Variants in NSUN2 observed in about 807,000 individuals in gnomAD.
The protein encoded by NSUN2 is RNA cytosine C(5)-methyltransferase NSUN2.
In NSUN2, 63 loss-of-function variants were observed where a neutral mutation model predicts 92.7. The ratio of observed to expected loss-of-function variants is 0.68; its 90% CI spans 0.56 to 0.84. The LOEUF (loss-of-function observed/expected upper bound fraction) is 0.84. Among genes scored for constraint, NSUN2 ranks in the 40% least tolerant of loss-of-function variants. The pLI is 0.00. For missense variants in NSUN2, 989 were observed against 964.9 expected (o/e 1.02, Z -0.33); for synonymous variants, 356 against 348.3 (o/e 1.02, Z -0.25).
rs530198014 is a variant in NSUN2 at position 6,601,541 on chromosome 5, C to T, written c.1997+920G>A. Among the ~76,000 whole-genome samples the T allele has an allele frequency of 1.4e-3, 220 of 152,144 alleles. 2 individuals are homozygous for T. Among genetic ancestry groups the T allele is most frequent in the African/African-American group, 5.1e-3 (213 of 41,504 alleles). The stretch of plus-strand genomic sequence containing the variant: ...ACCTGTCCTCTCTCCACATGGCAGC[C>T]GGACAGCCTGAACCCTGAGGACATG... On this transcript the variant is annotated intron_variant, in intron 18 of 18. Coordinates refer to ENST00000264670, the MANE Select transcript of NSUN2 (RefSeq NM_017755.6).
intron 3 of NSUN2, among the ~76,000 whole-genome samples, chr5:6,627,289 A>G (rs1003670338): frequency 1.3e-5 from 2 of 152,230 alleles, no homozygotes; most frequent in African/African-American, 2.4e-5. Flanking sequence ...TATTGGGCAA[A>G]TATCTGCTGT....
rs1364740947 is a variant in NSUN2 at position 6,605,349 on chromosome 5, T to G, written c.1661A>C (p.Glu554Ala). The G allele has an allele frequency of 6.2e-7, 1 of 1,614,188 alleles. No individual in the cohort carries two copies. The highest frequency in any genetic ancestry group is 8.5e-7 in the Non-Finnish European group (1 of 1,180,032). ...PRMNLLTRTT[E>A]GKKRQLYMVS... ...CATGTAGAGCTGCCTTTTCTTCCCTTCTGTAGTCCGAGTTAACAAATTCAT... is the reference window on the plus strand; with the variant it reads ...CATGTAGAGCTGCCTTTTCTTCCCTGCTGTAGTCCGAGTTAACAAATTCAT... The change falls in exon 15 of 19, where the codon GAA becomes GCA. Residue 554 changes from glutamate to alanine, a missense_variant. Physicochemically the swap from Glu to Ala is moderately radical, Grantham distance 107. Coordinates refer to ENST00000264670, the MANE Select transcript of NSUN2 (RefSeq NM_017755.6).
intron 3 of NSUN2, among the ~76,000 whole-genome samples, chr5:6,626,174 A>AT (rs1021523120): frequency 4.6e-5 from 7 of 152,194 alleles, no homozygotes; most frequent in Non-Finnish European, 8.8e-5. Context: ...AATATTTTAC[A>AT]TACCAAAAAA....
chr5:6,632,677 G>A lies in NSUN2; in HGVS notation c.176C>T (p.Pro59Leu), dbSNP rs1201202296. 28 of 1,613,996 alleles carry A rather than the reference G, an allele frequency of 1.7e-5. No individual in the cohort carries two copies. The highest frequency in any genetic ancestry group is 2.3e-5 in the Non-Finnish European group (27 of 1,180,012). The change falls in exon 2 of 19, where the codon CCC becomes CTC. Residue 59 changes from proline to leucine, a missense_variant. Pro to Leu is a moderately conservative substitution (Grantham distance 98, BLOSUM62 -3). Transcript: ENST00000264670. ...CATGAACTGGCCCCACTCGCCCTCG[G>A]GCACGATCTTGAGCTCCTGGTAGTA... ...EHYYQELKIV[P>L]EGEWGQFMDA...
chr5:6,602,955 T>A (rs1209794685), intron 17 of NSUN2, among the ~76,000 whole-genome samples: 1 of 152,208 alleles, frequency 6.6e-6, no homozygotes, highest in Admixed American at 6.5e-5. Flanking sequence ...TTTACAAGAA[T>A]CTCTACTTTA....
At chr5:6,619,959 C>T in intron 7 of NSUN2, 147 bp downstream of exon 7, 2 of 544,404 alleles carry the variant, frequency 3.7e-6, no homozygotes, top group South Asian at 7.2e-5. Flanking sequence ...TCTACGTGTC[C>T]ATCTTTTGGT....
chr5:6,601,587 C>T (rs1161878307), intron 18 of NSUN2, among the ~76,000 whole-genome samples: 1 of 139,654 alleles, frequency 7.2e-6, no homozygotes, highest in Non-Finnish European at 1.6e-5. Context: ...GCCTCCCTGC[C>T]AACCTCTTAC....
rs543894656 is a variant in NSUN2 at position 6,613,981 on chromosome 5, C to CA, written c.1022-2184dup. ...GCGTGGTGGCACATGCCTGTAGTCC[C>CA]AGCTACTCGGGAGGCTGAGGCAGGA... On this transcript the variant is annotated intron_variant, in intron 9 of 18. Coordinates refer to ENST00000264670, the MANE Select transcript of NSUN2 (RefSeq NM_017755.6). Among the ~76,000 whole-genome samples, 200 of 151,832 alleles carry CA rather than the reference C, an allele frequency of 1.3e-3. 2 individuals carry two copies. The highest frequency in any genetic ancestry group is 5.5e-3 in the Admixed American group (84 of 15,222).
chr5:6,631,167 C>T (rs1463087285), intron 3 of NSUN2, among the ~76,000 whole-genome samples: 1 of 152,170 alleles, frequency 6.6e-6, no homozygotes, highest in African/African-American at 2.4e-5. Context: ...GAACTCAATA[C>T]CTCAAAGTTA....
intron 5 of NSUN2, among the ~76,000 whole-genome samples, chr5:6,622,760 T>C (rs1381043786): frequency 6.6e-6 from 1 of 151,196 alleles, no homozygotes; most frequent in South Asian, 2.1e-4. Context: ...GGCAGGAGAA[T>C]TGCCTGAACT....
rs754969705 is a variant in NSUN2, at chr5:6,607,222, T to C, written c.1486A>G (p.Ser496Gly). The C allele has an allele frequency of 1.2e-6, 2 of 1,614,226 alleles. No individual in the cohort carries two copies. The highest frequency in any genetic ancestry group is 1.7e-6 in the Non-Finnish European group (2 of 1,180,036). The change falls in exon 13 of 19, where the codon AGT becomes GGT. Residue 496 changes from serine to glycine, a missense_variant. Around this residue, in one of 3 missense-constraint regions of NSUN2, gnomAD observed 626 missense variants for 602.3 expected, o/e 1.04. Transcript: ENST00000264670. ...TACCCACACACGCCATCTTTCTTAC[T>C]GCCATTATTCTCTAAATCCTCAGTT... ...HATEDLENNG[S>G]KKDGVCGPPP...
At chr5:6,612,062 TG>T (rs1010297299) in intron 9 of NSUN2, among the ~76,000 whole-genome samples, 10 of 152,184 alleles carry the variant, frequency 6.6e-5, no homozygotes, top group African/African-American at 2.2e-4. Flanking sequence ...AGCTGGACTG[TG>T]GTAAGGCGCT....
At chr5:6,615,179 C>G (rs982120567) in intron 9 of NSUN2, among the ~76,000 whole-genome samples, 4 of 151,600 alleles carry the variant, frequency 2.6e-5, no homozygotes, top group South Asian at 2.1e-4. Flanking sequence ...GTGAGTGCGC[C>G]CAGGAACTGG....
intron 10 of NSUN2, among the ~76,000 whole-genome samples, chr5:6,611,493 TA>T (rs1736990499): frequency 9.1e-6 from 1 of 109,480 alleles, no homozygotes; most frequent in Admixed American, 9.8e-5. Context: ...GGGATGAGAG[TA>T]AAAGAGTTTA....
rs748008367 is a variant in NSUN2 at position 6,632,754 on chromosome 5, G to A, written c.99C>T (p.Gly33=). ...CGATCTCGGGGTAGCCTCCTTCCCA[G>A]CCCTGAGGAAGGAAAGAGACGTCTA... The part of the protein sequence containing the change: ...AEGGGKRGEA[G]WEGGYPEIVK... The change falls in exon 2 of 19, where the codon GGC becomes GGT. Residue 33 remains glycine (G), a splice_region_variant and synonymous_variant. Transcript: ENST00000264670. 1.2e-6 allele frequency: 2 copies of A among 1,613,418 alleles called. No individual in the cohort carries two copies. The highest frequency in any genetic ancestry group is 1.7e-6 in the Non-Finnish European group (2 of 1,179,632).
At chr5:6,600,301 T>A in intron 18 of NSUN2, 69 bp from the exon 19 acceptor site, 1 of 1,397,846 alleles carries the variant, frequency 7.2e-7, no homozygotes. Context: ...AGATGTAATA[T>A]GCAACTGCTT....
chr5:6,606,097 T>C (rs1213570225), intron 14 of NSUN2, among the ~76,000 whole-genome samples: 1 of 152,222 alleles, frequency 6.6e-6, no homozygotes, highest in African/African-American at 2.4e-5. Flanking sequence ...CAGATGAATG[T>C]CAGACTTGTC....
chr5:6,618,161 C>A (rs1338092602), intron 7 of NSUN2, 137 bp from the exon 8 acceptor site: 21 of 594,040 alleles, frequency 3.5e-5, no homozygotes, highest in Non-Finnish European at 5.0e-5. Context: ...TTTTCACCAA[C>A]TGCAATCTGC....
At chr5:6,629,104 G>C (rs1737768252) in intron 3 of NSUN2, among the ~76,000 whole-genome samples, 1 of 152,116 alleles carries the variant, frequency 6.6e-6, no homozygotes, top group South Asian at 2.1e-4. Context: ...TAGAAACCCA[G>C]ATCTACAATG....
Sources: gnomAD v4.1 joint callset for allele counts (sites outside exome capture counted in the v4.1 genomes callset) on GRCh38, gnomAD v4.1.1 for gene constraint, gnomAD v4.1.1 regional missense constraint, MANE v1.5 for transcripts, NCBI Gene and HGNC (gene_info 2026-07-23, HGNC 2026-07-21) for gene names.